The following SND1 variants were observed in gnomAD, a reference collection of about 807,000 sequenced individuals.
The protein encoded by SND1 is staphylococcal nuclease and tudor domain containing 1.
A neutral mutation model predicts 121.7 loss-of-function variants in SND1; 38 were observed. The ratio of observed to expected loss-of-function variants is 0.31; its 90% CI spans 0.24 to 0.41. The LOEUF is 0.41. SND1 is among the 10% of genes least tolerant of loss of function. SND1 has a pLI of 1.00. For missense variants in SND1, 868 were observed against 1,184.6 expected, an observed-to-expected ratio of 0.73 and a Z score of 3.92; for synonymous variants, 401 against 447.4, an observed-to-expected ratio of 0.90 and a Z score of 1.31.
intron 15 of SND1, among the ~76,000 whole-genome samples, chr7:127,973,533 G>C (rs1268782641): frequency 6.6e-6 from 1 of 152,140 alleles, no homozygotes; most frequent in Non-Finnish European, 1.5e-5. Flanking sequence ...GCAGAGGAGT[G>C]GGTTAGAACT....
At position 127,653,412 on chromosome 7, in the gene SND1, G is replaced by A. The variant is rs553790894; in HGVS notation, c.78+961G>A. ...TGATGACTGTAAACTTCTAGATGTC[G>A]TTTCATACTGCAGTTCTGACATTTG... is the stretch of plus-strand genomic sequence containing the variant. On this transcript the variant is annotated intron_variant, in intron 1 of 23. Transcript: ENST00000354725. Among the ~76,000 whole-genome samples, 3 of 152,130 alleles carry A rather than the reference G, an allele frequency of 2.0e-5. No homozygotes were observed. In the East Asian group the frequency reaches 5.8e-4, roughly 29 times the overall value.
At chr7:127,844,935 G>T (rs1166956017) in intron 12 of SND1, among the ~76,000 whole-genome samples, 1 of 152,150 alleles carries the variant, frequency 6.6e-6, no homozygotes, top group Admixed American at 6.5e-5. Context: ...AGTCTTTCAG[G>T]GGAGATATCT....
chr7:127,961,739 C>G (rs1334291270), intron 15 of SND1, among the ~76,000 whole-genome samples: 4 of 152,200 alleles, frequency 2.6e-5, no homozygotes, highest in African/African-American at 9.7e-5. Context: ...TCTACCATTT[C>G]CTATGTGTCC....
At chr7:127,696,106 A>T (rs1308328592) in intron 3 of SND1, among the ~76,000 whole-genome samples, 1 of 152,132 alleles carries the variant, frequency 6.6e-6, no homozygotes, top group Non-Finnish European at 1.5e-5. Flanking sequence ...TGATTCTTTG[A>T]TTAAAAACCT....
chr7:127,943,513 C>T (rs1237433644), intron 15 of SND1, among the ~76,000 whole-genome samples: 2 of 152,176 alleles, frequency 1.3e-5, no homozygotes, highest in East Asian at 3.8e-4. Flanking sequence ...AATCCAGGCT[C>T]CAGACATAGG....
In SND1 at chr7:128,012,694, A is replaced by ATGGAGCTC. The variant is rs112245248; in HGVS notation, c.1779+21647_1779+21654dup. On this transcript the variant is annotated intron_variant, in intron 16 of 23. Coordinates refer to ENST00000354725, the MANE Select transcript of SND1 (RefSeq NM_014390.4). The stretch of plus-strand genomic sequence containing the variant: ...CAGCAGCTTGCTGCAGCCAACCTAA[A>ATGGAGCTC]TGGAGCTCTGGAGCTCAGGCTGGAA... 3.3e-3 allele frequency among the ~76,000 whole-genome samples: 499 copies of ATGGAGCTC among 152,230 alleles called. 2 individuals are homozygous for ATGGAGCTC. The highest frequency in any genetic ancestry group is 0.011 in the African/African-American group (438 of 41,534).
intron 15 of SND1, among the ~76,000 whole-genome samples, chr7:127,944,576 T>A (rs1397551017): frequency 6.6e-6 from 1 of 152,046 alleles, no homozygotes; most frequent in Non-Finnish European, 1.5e-5. Context: ...AGCTCTTTGA[T>A]CCCCTGAACC....
intron 16 of SND1, among the ~76,000 whole-genome samples, chr7:128,039,162 A>G (rs1171457523): frequency 6.6e-6 from 1 of 152,094 alleles, no homozygotes; most frequent in Non-Finnish European, 1.5e-5. Flanking sequence ...ATGTTCCCCC[A>G]TATCTTCAGG....
intron 9 of SND1, among the ~76,000 whole-genome samples, chr7:127,709,169 G>A (rs369784672): frequency 6.6e-6 from 1 of 152,182 alleles, no homozygotes; most frequent in Non-Finnish European, 1.5e-5. Context: ...AGACCACAAT[G>A]TCCCTTCTTT....
intron 16 of SND1, among the ~76,000 whole-genome samples, chr7:128,009,773 C>CTT (rs35016140): frequency 0.013 from 1,842 of 144,930 alleles, 37 homozygotes; most frequent in African/African-American, 0.045. Flanking sequence ...TTCTCAATAA[C>CTT]TTTTTTTTTT....
chr7:127,658,946 G>A (rs560876470), intron 1 of SND1, among the ~76,000 whole-genome samples: 146 of 152,368 alleles, frequency 9.6e-4, no homozygotes, highest in Non-Finnish European at 1.7e-3. Context: ...CATCTGACAG[G>A]TGTGGTTCTA....
rs577231989 is a variant in SND1 at position 128,091,870 on chromosome 7, A to C, written c.2656A>C (p.Lys886Gln). 6 of 1,614,190 alleles carry C rather than the reference A, an allele frequency of 3.7e-6. No homozygotes were observed. Among genetic ancestry groups the C allele is most frequent in the Non-Finnish European group, 5.1e-6 (6 of 1,180,030 alleles). Residue 886 changes from lysine to glutamine, a missense_variant, in exon 23 of 24, where the codon AAG becomes CAG. Coordinates refer to ENST00000354725, the MANE Select transcript of SND1 (RefSeq NM_014390.4). ...ATACCTGAATGCCCAAGAGTCAGCCAAGAGCGCCAGGGTGAGTTCTTACCT... is the reference window on the plus strand; with the variant it reads ...ATACCTGAATGCCCAAGAGTCAGCCCAGAGCGCCAGGGTGAGTTCTTACCT... ...TEYLNAQESA[K>Q]SARLNLWRYG...
chr7:127,835,534 C>A (rs1446704629), intron 11 of SND1, among the ~76,000 whole-genome samples: 1 of 152,144 alleles, frequency 6.6e-6, no homozygotes, highest in Non-Finnish European at 1.5e-5. Flanking sequence ...ACAGGCTACA[C>A]AAGGGACAGT....
Position 128,085,665 on chromosome 7 carries a change from A to G in SND1, c.2235-46A>G. 1 of 1,572,116 alleles carries G rather than the reference A, an allele frequency of 6.4e-7. No individual in the cohort carries two copies. Among genetic ancestry groups the G allele is most frequent in the Non-Finnish European group, 8.7e-7 (1 of 1,142,956 alleles). The stretch of plus-strand genomic sequence containing the variant: ...CATTGCTGAGGCTCTGGGAGCCCAG[A>G]GTCCTCAGGGCTGTCTCTTGAGCTC... On this transcript the variant is annotated intron_variant, in intron 19 of 23. Transcript: ENST00000354725. The surrounding 1 kb of genome is among the most constrained non-coding windows in gnomAD (Gnocchi z 4.4).
intron 16 of SND1, among the ~76,000 whole-genome samples, chr7:128,061,451 G>A (rs1303590012): frequency 2.0e-5 from 3 of 152,204 alleles, no homozygotes; most frequent in African/African-American, 7.2e-5. Context: ...GAGAAGCTGT[G>A]GGGTCAAGAT....
chr7:128,078,402 G>A (rs1268107688), intron 17 of SND1, among the ~76,000 whole-genome samples: 1 of 152,244 alleles, frequency 6.6e-6, no homozygotes, highest in Non-Finnish European at 1.5e-5. Context: ...CCCTCTGTAT[G>A]CTTCTTGGCA....
At chr7:127,936,889 G>A (rs1485162229) in intron 15 of SND1, among the ~76,000 whole-genome samples, 1 of 152,064 alleles carries the variant, frequency 6.6e-6, no homozygotes, top group Non-Finnish European at 1.5e-5. Flanking sequence ...TGGAGTATTT[G>A]TCTTATTACT....
At chr7:127,701,405 T>G (rs1223450925) in intron 5 of SND1, 82 bp downstream of exon 5, 1 of 1,417,004 alleles carries the variant, frequency 7.1e-7, no homozygotes, top group East Asian at 2.3e-5. Context: ...GTTTGTAAAA[T>G]CTAGTAAGCC....
At chr7:127,654,594 T>C (rs1795179849) in intron 1 of SND1, among the ~76,000 whole-genome samples, 1 of 152,236 alleles carries the variant, frequency 6.6e-6, no homozygotes, top group Non-Finnish European at 1.5e-5. Flanking sequence ...CTCCTTGTCT[T>C]GTCTGGGAGC....
Sources: allele counts gnomAD v4.1 joint callset (sites outside exome capture counted in the v4.1 genomes callset), GRCh38; gene constraint gnomAD v4.1.1; non-coding constraint Gnocchi (gnomAD v3.1); transcripts MANE v1.5; gene names NCBI Gene and HGNC (gene_info 2026-07-23, HGNC 2026-07-21).